Variants in SCAPER observed in about 807,000 individuals in gnomAD.
The protein encoded by SCAPER is S-phase cyclin A associated protein in the ER.
In SCAPER, 98 loss-of-function variants were observed where a neutral mutation model predicts 182.2. The observed-to-expected ratio is 0.54, with a 90% CI of 0.46 to 0.64. The LOEUF (loss-of-function observed/expected upper bound fraction) is 0.64. Ranked by LOEUF, SCAPER falls within the 30% of genes least tolerant of loss-of-function variation. The pLI is 0.00. For synonymous variants in SCAPER, 605 were observed against 564.6 expected (o/e 1.07, Z -1.01); for missense variants, 1,432 against 1,690.0 (o/e 0.85, Z 2.68).
At chr15:76,903,385 C>T (rs533486516) in intron 1 of SCAPER, among the ~76,000 whole-genome samples, 1 of 152,310 alleles carries the variant, frequency 6.6e-6, no homozygotes, top group Admixed American at 6.5e-5. Context: ...CTTCAAAATT[C>T]TTGTGGAAAT....
intron 24 of SCAPER, among the ~76,000 whole-genome samples, chr15:76,495,600 A>G (rs932576841): frequency 1.7e-4 from 25 of 150,012 alleles, no homozygotes; most frequent in Middle Eastern, 6.9e-3. Flanking sequence ...AAAAAAAAAA[A>G]AGAGAGAGAG....
chr15:76,552,774 G>T (rs977140258), intron 23 of SCAPER, among the ~76,000 whole-genome samples: 1 of 152,200 alleles, frequency 6.6e-6, no homozygotes, highest in Non-Finnish European at 1.5e-5. Context: ...GTCAAGCACT[G>T]CTAGATGGCT....
Position 76,434,059 on chromosome 15 carries a change from A to T in SCAPER, c.3311+19T>A. 1 of 1,589,640 alleles carries T rather than the reference A, an allele frequency of 6.3e-7. No homozygotes were observed. Among genetic ancestry groups the T allele is most frequent in the Non-Finnish European group, 8.6e-7 (1 of 1,163,526 alleles). On this transcript the variant is annotated intron_variant, in intron 26 of 31. Transcript: ENST00000563290. ...TTTCTTAACAAAGAACAAAGTTTTA[A>T]GAACTCTAGCAATTTTACCTGATAA...
At chr15:76,711,684 C>A (rs932604293) in intron 17 of SCAPER, among the ~76,000 whole-genome samples, 6 of 152,134 alleles carry the variant, frequency 3.9e-5, no homozygotes, top group South Asian at 2.1e-4. Flanking sequence ...TCTTTGATGG[C>A]CAGTGATGAT....
intron 5 of SCAPER, among the ~76,000 whole-genome samples, chr15:76,839,099 CA>C (rs1195007423): frequency 6.6e-6 from 1 of 152,094 alleles, no homozygotes; most frequent in Non-Finnish European, 1.5e-5. Context: ...TCTTCAAACT[CA>C]AAAAATGAGG....
At chr15:76,643,707 T>G (rs942597287) in intron 21 of SCAPER, among the ~76,000 whole-genome samples, 1 of 152,112 alleles carries the variant, frequency 6.6e-6, no homozygotes, top group African/African-American at 2.4e-5. Flanking sequence ...CAAAAAGTCA[T>G]TCTTTGTTAA....
chr15:76,637,742 A>ATGTGTG (rs55726181), intron 21 of SCAPER, among the ~76,000 whole-genome samples: 7 of 105,818 alleles, frequency 6.6e-5, no homozygotes, highest in South Asian at 3.7e-4. Flanking sequence ...ATATATATAT[A>ATGTGTG]TGTGTGTGTG....
chr15:76,635,238 G>A (rs2053489421), intron 21 of SCAPER, among the ~76,000 whole-genome samples: 1 of 152,136 alleles, frequency 6.6e-6, no homozygotes, highest in Non-Finnish European at 1.5e-5. Flanking sequence ...ATCCTAGACA[G>A]GACATCACTT....
At chr15:76,792,102 G>C (rs1245688346) in intron 8 of SCAPER, among the ~76,000 whole-genome samples, 3 of 149,942 alleles carry the variant, frequency 2.0e-5, no homozygotes, top group African/African-American at 4.9e-5. Flanking sequence ...AAGACTGTGA[G>C]TGATGCTTAA....
chr15:76,574,576 C>A, intron 22 of SCAPER, among the ~76,000 whole-genome samples: 1 of 152,006 alleles, frequency 6.6e-6, no homozygotes, highest in African/African-American at 2.4e-5. Context: ...TAAATTAGAA[C>A]AGAATTAGGA....
chr15:76,887,667 GCC>G (rs1454813258), intron 1 of SCAPER, among the ~76,000 whole-genome samples: 1 of 152,266 alleles, frequency 6.6e-6, no homozygotes, highest in Admixed American at 6.5e-5. Context: ...ACTAGGCAGA[GCC>G]CCCCAACAGC....
chr15:76,834,065 T>C (rs2068734292), intron 5 of SCAPER, among the ~76,000 whole-genome samples: 1 of 152,212 alleles, frequency 6.6e-6, no homozygotes, highest in South Asian at 2.1e-4. Flanking sequence ...TCTTCTCATC[T>C]ACACACAGCA....
At chr15:76,485,291 CA>C (rs1374458871) in intron 24 of SCAPER, among the ~76,000 whole-genome samples, 6 of 152,068 alleles carry the variant, frequency 3.9e-5, no homozygotes, top group Admixed American at 1.3e-4. Flanking sequence ...ACAACTGCCA[CA>C]AAAAGAATAA....
chr15:76,466,419 C>CTTTTTTTTTTTTTTTTTTT, intron 25 of SCAPER, among the ~76,000 whole-genome samples: 34 of 37,424 alleles, frequency 9.1e-4, no homozygotes, highest in South Asian at 1.7e-3. Flanking sequence ...GTTGGTTCTT[C>CTTTTTTTTTTTTTTTTTTT]TTTTTTTTTT....
intron 14 of SCAPER, among the ~76,000 whole-genome samples, chr15:76,757,641 A>G (rs917021419): frequency 2.0e-5 from 3 of 152,162 alleles, no homozygotes; most frequent in Non-Finnish European, 4.4e-5. Flanking sequence ...AGAACTGCTG[A>G]TCGTATGACA....
chr15:76,678,832 G>C (rs1257494653), intron 20 of SCAPER, among the ~76,000 whole-genome samples: 2 of 151,990 alleles, frequency 1.3e-5, no homozygotes, highest in African/African-American at 2.4e-5. Flanking sequence ...AATAAGTTAG[G>C]GTTTTAGCTC....
intron 5 of SCAPER, among the ~76,000 whole-genome samples, chr15:76,815,330 T>C (rs923282407): frequency 3.5e-4 from 54 of 152,342 alleles, no homozygotes; most frequent in Non-Finnish European, 4.7e-4. Context: ...TGCAGCATTA[T>C]TCACAATAGC....
intron 23 of SCAPER, among the ~76,000 whole-genome samples, chr15:76,572,500 C>A (rs149355045): frequency 2.2e-3 from 333 of 152,300 alleles, no homozygotes; most frequent in Non-Finnish European, 3.5e-3. Context: ...AGGCTGCTTT[C>A]GATTCCTCCA....
In SCAPER at chr15:76,765,421, C is replaced by A; in HGVS notation, c.1529G>T (p.Gly510Val). Reference protein sequence around the residue: ...RESWRQNTSWGDIVEEEPARP... With the variant: ...RESWRQNTSWVDIVEEEPARP... Reference sequence around the variant, plus strand: ...AGCAGGTTCTTCTTCTACAATGTCCCCCCAGGATGTATTTTGGCGCCAAGA... The same window carrying A: ...AGCAGGTTCTTCTTCTACAATGTCCACCCAGGATGTATTTTGGCGCCAAGA... The change falls in exon 13 of 32, where the codon GGG becomes GTG. Residue 510 changes from glycine (G) to valine (V), a missense_variant. Gly to Val is a moderately radical substitution (Grantham distance 109, BLOSUM62 -3). Around this residue, in one of 5 missense-constraint regions of SCAPER, gnomAD observed 128 missense variants for 149.9 expected, o/e 0.85. Transcript: ENST00000563290. 1.2e-6 allele frequency: 2 copies of A among 1,613,902 alleles called. No individual in the cohort carries two copies. The highest frequency in any genetic ancestry group is 1.7e-6 in the Non-Finnish European group (2 of 1,179,842).
Sources: allele counts gnomAD v4.1 joint callset (sites outside exome capture counted in the v4.1 genomes callset), GRCh38; gene constraint gnomAD v4.1.1; regional missense constraint gnomAD v4.1.1; transcripts MANE v1.5; gene names NCBI Gene and HGNC (gene_info 2026-07-23, HGNC 2026-07-21).